GALNT17: variants seen among roughly 807,000 people sequenced by gnomAD.
GALNT17 encodes polypeptide N-acetylgalactosaminyltransferase 17, also known as UDP-GalNAc:polypeptide N-acetylgalactosaminyltransferase-like 3.
Under a neutral mutation model 63.7 loss-of-function variants are expected in GALNT17, and 29 were observed. That is an observed-to-expected ratio of 0.46 (90% confidence interval 0.34 to 0.62). GALNT17 has a LOEUF of 0.62. GALNT17 is among the 20% of genes least tolerant of loss of function. GALNT17 has a pLI of 0.01. For synonymous variants in GALNT17, 305 were observed against 318.3 expected (o/e 0.96, Z 0.45); for missense variants, 603 against 799.6 (o/e 0.75, Z 2.97).
intron 9 of GALNT17, among the ~76,000 whole-genome samples, chr7:71,696,922 G>A (rs920716250): frequency 6.6e-6 from 1 of 152,036 alleles, no homozygotes; most frequent in South Asian, 2.1e-4. Flanking sequence ...AAAACCTATA[G>A]CAAAGAAAGA....
intron 6 of GALNT17, among the ~76,000 whole-genome samples, chr7:71,571,749 T>A (rs1451897650): frequency 6.6e-6 from 1 of 152,134 alleles, no homozygotes; most frequent in Non-Finnish European, 1.5e-5. Flanking sequence ...CACAGTGGCT[T>A]ATGCCTGTAA....
At chr7:71,448,353 G>GTGTA in intron 5 of GALNT17, among the ~76,000 whole-genome samples, 1 of 147,756 alleles carries the variant, frequency 6.8e-6, no homozygotes, top group South Asian at 2.1e-4. Context: ...CTTACTTCGT[G>GTGTA]TGTATGTGTG....
intron 9 of GALNT17, among the ~76,000 whole-genome samples, chr7:71,679,952 C>CCTTCCTCCCTCCTGCT (rs1791218303): frequency 3.2e-4 from 1 of 3,162 alleles, no homozygotes; most frequent in Admixed American, 4.4e-3. Context: ...TTCCTCCCTC[C>CCTTCCTCCCTCCTGCT]CTCTCTTCCT....
rs532283521 is a variant in GALNT17 at position 71,681,433 on chromosome 7, T to A, written c.1500+4127T>A. Among the ~76,000 whole-genome samples the A allele has an allele frequency of 5.9e-5, 9 of 152,264 alleles. No homozygotes were observed. The East Asian group carries it at 1.7e-3, about 29-fold the overall frequency. ...CGGGCTGAGATGGCCAAGAGTTGGA[T>A]ATAGCAACTTGTGGTACTGAGCCTA... On this transcript the variant is annotated intron_variant, in intron 9 of 10. Coordinates refer to ENST00000333538, the MANE Select transcript of GALNT17 (RefSeq NM_022479.3).
At chr7:71,453,363 A>G (rs1469018583) in intron 5 of GALNT17, among the ~76,000 whole-genome samples, 1 of 152,230 alleles carries the variant, frequency 6.6e-6, no homozygotes, top group Non-Finnish European at 1.5e-5. Context: ...AAGAGGTTTA[A>G]TGGGCTCACA....
intron 1 of GALNT17, among the ~76,000 whole-genome samples, chr7:71,211,603 A>C (rs1585884595): frequency 6.6e-6 from 1 of 152,226 alleles, no homozygotes; most frequent in African/African-American, 2.4e-5. Flanking sequence ...GCTCAGAAGA[A>C]GATAGGAAAA....
At chr7:71,581,758 G>A (rs904154570) in intron 6 of GALNT17, among the ~76,000 whole-genome samples, 3 of 152,194 alleles carry the variant, frequency 2.0e-5, no homozygotes, top group Admixed American at 1.3e-4. Context: ...AGGTTTGTCA[G>A]TGGGGACATG....
At position 71,143,482 on chromosome 7, in the gene GALNT17, C is replaced by T. The variant is rs910353071; in HGVS notation, c.238+10442C>T. On this transcript the variant is annotated intron_variant, in intron 1 of 10. Transcript: ENST00000333538. The stretch of plus-strand genomic sequence containing the variant: ...GGTCAGAGCCAGAACTACGAATCTG[C>T]GGGATTCCTGGCAAGGGAATGGCAT... Among the ~76,000 whole-genome samples the T allele has an allele frequency of 1.3e-4, 19 of 150,850 alleles. 1 individual carries two copies. Among genetic ancestry groups the T allele is most frequent in the Middle Eastern group, 7.0e-3 (2 of 284 alleles).
chr7:71,160,936 C>T (rs1013043770), intron 1 of GALNT17, among the ~76,000 whole-genome samples: 9 of 152,044 alleles, frequency 5.9e-5, no homozygotes, highest in African/African-American at 1.5e-4. Context: ...TGAACTCAAG[C>T]GGCCCTTCTG....
chr7:71,393,272 G>T (rs1793082235), intron 3 of GALNT17, among the ~76,000 whole-genome samples: 1 of 151,922 alleles, frequency 6.6e-6, no homozygotes, highest in South Asian at 2.1e-4. Context: ...TGTTGTTCCT[G>T]CTTGCTAGTT....
rs767705580 is a variant in GALNT17, at chr7:71,665,531, G to A, written c.1201G>A (p.Val401Ile). 3.7e-6 allele frequency: 6 copies of A among 1,614,032 alleles called. No individual in the cohort carries two copies. Among genetic ancestry groups the A allele is most frequent in the Admixed American group, 3.3e-5 (2 of 59,988 alleles). Residue 401 changes from valine to isoleucine, a missense_variant, in exon 7 of 11, where the codon GTT (valine) becomes ATT (isoleucine). Physicochemically the swap from Val to Ile is conservative, Grantham distance 29. Coordinates refer to ENST00000333538, the MANE Select transcript of GALNT17 (RefSeq NM_022479.3). Reference protein sequence around the residue: ...GFYTKRNALRVAEVWMDDYKS... With the variant: ...GFYTKRNALRIAEVWMDDYKS... ...CTACACCAAGAGGAATGCTCTTCGC[G>A]TTGCTGAGGTCTGGATGGACGATTA...
At chr7:71,652,921 A>G (rs1305466428) in intron 6 of GALNT17, among the ~76,000 whole-genome samples, 1 of 152,218 alleles carries the variant, frequency 6.6e-6, no homozygotes, top group Non-Finnish European at 1.5e-5. Context: ...CAGTTATTGC[A>G]GGGCGCCCAG....
intron 6 of GALNT17, among the ~76,000 whole-genome samples, chr7:71,617,128 T>C (rs529859147): frequency 6.7e-6 from 1 of 149,108 alleles, no homozygotes; most frequent in Non-Finnish European, 1.5e-5. Context: ...ATATTATTTA[T>C]ACAATATTAT....
chr7:71,648,352 C>T (rs994302505), intron 6 of GALNT17, among the ~76,000 whole-genome samples: 1 of 151,802 alleles, frequency 6.6e-6, no homozygotes, highest in Non-Finnish European at 1.5e-5. Flanking sequence ...CTCACCGCAG[C>T]CTGGAACTCC....
At chr7:71,181,740 G>A (rs1387388106) in intron 1 of GALNT17, among the ~76,000 whole-genome samples, 1 of 152,098 alleles carries the variant, frequency 6.6e-6, no homozygotes, top group African/African-American at 2.4e-5. Context: ...AGCCAGACAT[G>A]GTGGCACACA....
intron 5 of GALNT17, among the ~76,000 whole-genome samples, chr7:71,556,553 CTTTTTTAT>C (rs1584047502): frequency 6.6e-6 from 1 of 151,972 alleles, no homozygotes; most frequent in East Asian, 1.9e-4. Flanking sequence ...TCGGCATCAT[CTTTTTTAT>C]TTTTTTATTT....
At chr7:71,512,874 T>C (rs1442643303) in intron 5 of GALNT17, among the ~76,000 whole-genome samples, 2 of 152,154 alleles carry the variant, frequency 1.3e-5, no homozygotes, top group Non-Finnish European at 2.9e-5. Context: ...AGGGAAACAT[T>C]TCATGATTGT....
chr7:71,199,817 C>A (rs371312821), intron 1 of GALNT17, among the ~76,000 whole-genome samples: 2 of 152,148 alleles, frequency 1.3e-5, no homozygotes, highest in Non-Finnish European at 2.9e-5. Context: ...ATCCATCCAT[C>A]CATCCAACAT....
intron 9 of GALNT17, among the ~76,000 whole-genome samples, chr7:71,694,359 A>ATTT (rs34576267): frequency 0.12 from 16,820 of 138,626 alleles, 1,981 homozygotes; most frequent in East Asian, 0.59. Flanking sequence ...AATTATCCCA[A>ATTT]TTTTTTTTTT....
Sources: gnomAD v4.1 joint callset for allele counts (sites outside exome capture counted in the v4.1 genomes callset) on GRCh38, gnomAD v4.1.1 for gene constraint, MANE v1.5 for transcripts, NCBI Gene and HGNC (gene_info 2026-07-23, HGNC 2026-07-21) for gene names.